The following STX3 variants were observed in gnomAD, a reference collection of about 807,000 sequenced individuals.
STX3 encodes the protein syntaxin 3, also known as syntaxin-3.
In STX3, 19 loss-of-function variants were observed where a neutral mutation model predicts 40.2. The observed-to-expected ratio is 0.47, with a 90% CI of 0.33 to 0.69. The LOEUF (loss-of-function observed/expected upper bound fraction) is 0.69. Ranked by LOEUF, STX3 falls within the 30% of genes least tolerant of loss-of-function variation. The pLI is 0.02. For missense variants in STX3, 364 were observed against 366.7 expected, an observed-to-expected ratio of 0.99 and a Z score of 0.06; for synonymous variants, 122 against 132.2, an observed-to-expected ratio of 0.92 and a Z score of 0.53.
chr11:59,797,198 G>A (rs1210883444), intron 9 of STX3, 85 bp from the exon 10 acceptor site: 1 of 953,626 alleles, frequency 1.0e-6, no homozygotes, highest in Non-Finnish European at 1.7e-6. Flanking sequence ...CTATGTAGAG[G>A]TGACAGGGGT....
intron 8 of STX3, among the ~76,000 whole-genome samples, chr11:59,794,547 C>G (rs778303215): frequency 4.6e-5 from 7 of 152,300 alleles, no homozygotes; most frequent in Middle Eastern, 3.4e-3. Flanking sequence ...TCAAGTCCCT[C>G]CATCCCACCT....
rs907342849 is a variant in STX3, at chr11:59,803,976, A to C, written c.*3152A>C. 6.5e-6 allele frequency: 1 copy of C among 152,972 alleles called. No homozygotes were observed. The highest frequency in any genetic ancestry group is 1.5e-5 in the Non-Finnish European group (1 of 68,028). The allele number at this position is 152,972 out of a possible 1,614,324, so 9.5% of individuals were successfully genotyped here. A position where few individuals can be genotyped will look rare whatever the true frequency, so the allele number is the denominator to read the frequency against. On this transcript the variant is annotated 3_prime_UTR_variant, in exon 11 of 11. Transcript: ENST00000337979. ...TTAAGAAACAGGGCACCAATCAACT[A>C]CTTATTAAGAATTATGCAAAGAATA... is the stretch of plus-strand genomic sequence containing the variant.
rs150649868 is a variant in STX3, at chr11:59,761,852, C to A, written c.30+6217C>A. On this transcript the variant is annotated intron_variant, in intron 1 of 10. Coordinates refer to ENST00000337979, the MANE Select transcript of STX3 (RefSeq NM_004177.5). ...TTTTTAATAAATTTTTAAGTTTTAG[C>A]CTACTTTTAGATTTATGGAAAAGTT... Among the ~76,000 whole-genome samples, 258 of 151,848 alleles carry A rather than the reference C, an allele frequency of 1.7e-3. 3 individuals carry two copies. In the East Asian group the frequency reaches 0.021, roughly 12 times the overall value.
intron 10 of STX3, among the ~76,000 whole-genome samples, chr11:59,799,116 C>T (rs1865716314): frequency 6.6e-6 from 1 of 151,982 alleles, no homozygotes; most frequent in East Asian, 1.9e-4. Context: ...TCTTGAACTC[C>T]TGGACTCAAG....
chr11:59,767,431 C>T (rs1863335942), intron 1 of STX3, among the ~76,000 whole-genome samples: 1 of 152,186 alleles, frequency 6.6e-6, no homozygotes, highest in African/African-American at 2.4e-5. Context: ...CTTGGCTAAG[C>T]TCAGTCATGT....
At chr11:59,775,540 G>A (rs987413763) in intron 2 of STX3, among the ~76,000 whole-genome samples, 4 of 152,228 alleles carry the variant, frequency 2.6e-5, no homozygotes, top group Non-Finnish European at 5.9e-5. Flanking sequence ...TGAAGATGGT[G>A]GGCTTTGGCC....
At position 59,778,656 on chromosome 11, in the gene STX3, G is replaced by C. The variant is rs565485668; in HGVS notation, c.114+5362G>C. ...CTGTGATCAAATATGTTTGAGAAAT[G>C]CTTCCTGCTTCTTTCTTCTCTTGGA... On this transcript the variant is annotated intron_variant, in intron 2 of 10. Coordinates refer to ENST00000337979, the MANE Select transcript of STX3 (RefSeq NM_004177.5). Among the ~76,000 whole-genome samples the C allele has an allele frequency of 6.6e-5, 10 of 152,256 alleles. No individual in the cohort carries two copies. The East Asian group carries it at 1.9e-3, about 29-fold the overall frequency.
At chr11:59,799,172 G>T (rs1865721820) in intron 10 of STX3, among the ~76,000 whole-genome samples, 1 of 152,212 alleles carries the variant, frequency 6.6e-6, no homozygotes, top group Non-Finnish European at 1.5e-5. Context: ...TTACAGGCAT[G>T]AGCCACTGCG....
At chr11:59,798,708 C>T (rs1254085657) in intron 10 of STX3, among the ~76,000 whole-genome samples, 2 of 150,874 alleles carry the variant, frequency 1.3e-5, no homozygotes, top group Non-Finnish European at 2.9e-5. Flanking sequence ...TTAGTAGAGA[C>T]GAGGTTTCAC....
intron 1 of STX3, among the ~76,000 whole-genome samples, chr11:59,757,559 A>G (rs1862789036): frequency 6.6e-6 from 1 of 152,118 alleles, no homozygotes; most frequent in African/African-American, 2.4e-5. Context: ...GGAATTAATG[A>G]TAGGTTTCCT....
chr11:59,784,486 T>C lies in STX3; in HGVS notation c.115-2551T>C, dbSNP rs530526678. Among the ~76,000 whole-genome samples the C allele has an allele frequency of 1.1e-4, 16 of 152,256 alleles. No homozygotes were observed. In the South Asian group the frequency reaches 3.3e-3, roughly 32 times the overall value. ...TGGTCACACCCCTAGAGTCTGTGAG[T>C]GTATTAGTTTGTTTTCATGGTGCTG... On this transcript the variant is annotated intron_variant, in intron 2 of 10. Transcript: ENST00000337979.
Position 59,804,444 on chromosome 11 carries a change from A to C in STX3, c.*3620A>C, listed in dbSNP as rs1364386872. 1 of 152,200 alleles carries C rather than the reference A, an allele frequency of 6.6e-6. No homozygotes were observed. The highest frequency in any genetic ancestry group is 1.5e-5 in the Non-Finnish European group (1 of 68,032). The allele number at this position is 152,200 out of a possible 1,614,324, so 9.4% of individuals were successfully genotyped here. A position where few individuals can be genotyped will look rare whatever the true frequency, so the allele number is the denominator to read the frequency against. ...CTTAATTACTTATAATTAAGCTCTTATTTCAGTCATGGACAAATCCTTGGG... is the reference window on the plus strand; with the variant it reads ...CTTAATTACTTATAATTAAGCTCTTCTTTCAGTCATGGACAAATCCTTGGG... On this transcript the variant is annotated 3_prime_UTR_variant, in exon 11 of 11. Coordinates refer to ENST00000337979, the MANE Select transcript of STX3 (RefSeq NM_004177.5).
chr11:59,793,534 A>G lies in STX3; in HGVS notation c.675+20A>G. 1.9e-6 allele frequency: 3 copies of G among 1,606,430 alleles called. No homozygotes were observed. The highest frequency in any genetic ancestry group is 2.6e-6 in the Non-Finnish European group (3 of 1,174,400). On this transcript the variant is annotated intron_variant, in intron 8 of 10. Coordinates refer to ENST00000337979, the MANE Select transcript of STX3 (RefSeq NM_004177.5). The stretch of plus-strand genomic sequence containing the variant: ...AATCAGGTAAGTGGCAGTGAGTCCC[A>G]GCGTGGGGAGGGAGGAGAGGAAAGC...
intron 10 of STX3, among the ~76,000 whole-genome samples, chr11:59,798,480 C>G (rs1185181848): frequency 6.6e-6 from 1 of 152,148 alleles, no homozygotes; most frequent in Non-Finnish European, 1.5e-5. Flanking sequence ...CAGGCGTGAG[C>G]CACTGCGCCC....
chr11:59,805,401 CTT>C lies in STX3; in HGVS notation c.*4579_*4580del, dbSNP rs905002373. ...TTTGTACTTTTGAAAGTAAATTATT[CTT>C]TGTTTGATACCTTATTTTTTAAGAA... On this transcript the variant is annotated 3_prime_UTR_variant, in exon 11 of 11. Transcript: ENST00000337979. The C allele has an allele frequency of 3.9e-5, 6 of 152,106 alleles. No homozygotes were observed. Among genetic ancestry groups the C allele is most frequent in the South Asian group, 2.1e-4 (1 of 4,814 alleles). The allele number at this position is 152,106 out of a possible 1,614,324, so 9.4% of individuals were successfully genotyped here.
chr11:59,796,483 A>G (rs1300463692), intron 9 of STX3, among the ~76,000 whole-genome samples: 1 of 152,194 alleles, frequency 6.6e-6, no homozygotes, highest in South Asian at 2.1e-4. Context: ...TTGCTTATGC[A>G]GGGATTTAGG....
intron 1 of STX3, among the ~76,000 whole-genome samples, chr11:59,756,169 C>T (rs1048490777): frequency 1.3e-5 from 2 of 152,106 alleles, no homozygotes; most frequent in Non-Finnish European, 2.9e-5. Context: ...CATTGTCCCC[C>T]CCTCCCCCGC....
At chr11:59,781,837 T>G in intron 2 of STX3, 1 of 1,001,422 alleles carries the variant, frequency 1.0e-6, no homozygotes, top group Non-Finnish European at 1.5e-6. Flanking sequence ...CTTGGGATTC[T>G]GTCATTTTTT....
chr11:59,776,385 C>G (rs376510846), intron 2 of STX3, among the ~76,000 whole-genome samples: 1 of 152,102 alleles, frequency 6.6e-6, no homozygotes, highest in African/African-American at 2.4e-5. Context: ...TTCTTATCAC[C>G]CTTCTGTCCC....
Sources: allele counts gnomAD v4.1 joint callset (sites outside exome capture counted in the v4.1 genomes callset), GRCh38; gene constraint gnomAD v4.1.1; transcripts MANE v1.5; gene names NCBI Gene and HGNC (gene_info 2026-07-23, HGNC 2026-07-21).